Variants in GMDS observed in about 807,000 individuals in gnomAD.
The protein encoded by GMDS is GDP-mannose 4,6 dehydratase.
Under a neutral mutation model 49.9 loss-of-function variants are expected in GMDS, and 20 were observed. The observed-to-expected ratio is 0.40, with a 90% CI of 0.28 to 0.58. GMDS has a LOEUF of 0.58. Among genes scored for constraint, GMDS ranks in the 20% least tolerant of loss-of-function variants. GMDS has a pLI of 0.42. For missense variants in GMDS, 362 were observed against 481.4 expected (o/e 0.75, Z 2.32); for synonymous variants, 177 against 178.6 (o/e 0.99, Z 0.07).
chr6:1,821,712 A>G (rs878888162), intron 7 of GMDS, among the ~76,000 whole-genome samples: 1 of 150,558 alleles, frequency 6.6e-6, no homozygotes, highest in Admixed American at 6.7e-5. Flanking sequence ...TGGTCAAAAC[A>G]TAACTGTGAC....
At chr6:1,982,666 C>T (rs1034133729) in intron 4 of GMDS, among the ~76,000 whole-genome samples, 2 of 152,094 alleles carry the variant, frequency 1.3e-5, no homozygotes, top group Admixed American at 1.3e-4. Context: ...ATACAGCTAA[C>T]AAGGGAAGTA....
intron 8 of GMDS, among the ~76,000 whole-genome samples, chr6:1,737,580 AATACACACAC>A (rs1561768692): frequency 1.4e-5 from 2 of 146,448 alleles, no homozygotes; most frequent in Admixed American, 6.8e-5. Context: ...CACACACAAA[AATACACACAC>A]ATACACACAC....
intron 1 of GMDS, among the ~76,000 whole-genome samples, chr6:2,171,130 G>C (rs942784723): frequency 6.6e-6 from 1 of 152,188 alleles, no homozygotes; most frequent in African/African-American, 2.4e-5. Context: ...AGGAACTCAT[G>C]AACTTGAATT....
At chr6:1,686,008 G>A (rs1209663689) in intron 9 of GMDS, among the ~76,000 whole-genome samples, 1 of 152,122 alleles carries the variant, frequency 6.6e-6, no homozygotes, top group African/African-American at 2.4e-5. Flanking sequence ...CACAGGCCGT[G>A]GAGTCATTTT....
intron 9 of GMDS, among the ~76,000 whole-genome samples, chr6:1,638,751 C>T (rs1406807962): frequency 6.6e-6 from 1 of 152,094 alleles, no homozygotes; most frequent in South Asian, 2.1e-4. Context: ...TTAGAAAGAA[C>T]TCTCTGGGTC....
At chr6:1,678,044 T>G (rs535959471) in intron 9 of GMDS, among the ~76,000 whole-genome samples, 7 of 152,334 alleles carry the variant, frequency 4.6e-5, no homozygotes, top group Non-Finnish European at 7.4e-5. Flanking sequence ...CTTTTTATAT[T>G]TGTAATTTCC....
At chr6:1,784,617 T>C (rs1769249776) in intron 7 of GMDS, among the ~76,000 whole-genome samples, 1 of 152,048 alleles carries the variant, frequency 6.6e-6, no homozygotes, top group African/African-American at 2.4e-5. Flanking sequence ...AGATGGATGG[T>C]AGAGAAACTT....
intron 6 of GMDS, among the ~76,000 whole-genome samples, chr6:1,953,941 T>C (rs555122395): frequency 6.6e-6 from 1 of 152,242 alleles, no homozygotes; most frequent in East Asian, 1.9e-4. Context: ...GGCAAGAAAA[T>C]TTTTGTACAT....
At chr6:1,970,112 C>T (rs1471032531) in intron 4 of GMDS, among the ~76,000 whole-genome samples, 2 of 152,042 alleles carry the variant, frequency 1.3e-5, no homozygotes, top group Non-Finnish European at 2.9e-5. Flanking sequence ...AATGTGGTGT[C>T]GGAAAAAGAG....
At chr6:2,042,493 C>G (rs1309804030) in intron 4 of GMDS, among the ~76,000 whole-genome samples, 3 of 152,156 alleles carry the variant, frequency 2.0e-5, no homozygotes, top group Non-Finnish European at 4.4e-5. Flanking sequence ...GGCTATACAC[C>G]TCTCTCCAAA....
intron 1 of GMDS, among the ~76,000 whole-genome samples, chr6:2,234,858 G>C (rs1281877073): frequency 6.6e-6 from 1 of 152,150 alleles, no homozygotes; most frequent in African/African-American, 2.4e-5. Context: ...TTAAAAACAA[G>C]TGAGGACCTG....
At chr6:1,889,363 T>A (rs1759767446) in intron 7 of GMDS, among the ~76,000 whole-genome samples, 2 of 152,130 alleles carry the variant, frequency 1.3e-5, no homozygotes, top group African/African-American at 4.8e-5. Context: ...CCTGGTTTCT[T>A]CCTTATCTCT....
At chr6:2,152,286 T>C (rs1306969060) in intron 1 of GMDS, among the ~76,000 whole-genome samples, 2 of 152,162 alleles carry the variant, frequency 1.3e-5, no homozygotes, top group Non-Finnish European at 2.9e-5. Context: ...TTTAATAGTA[T>C]TTAAAAAACG....
chr6:2,009,897 G>A (rs907315373), intron 4 of GMDS, among the ~76,000 whole-genome samples: 3 of 152,096 alleles, frequency 2.0e-5, no homozygotes, highest in African/African-American at 7.2e-5. Flanking sequence ...TGGAAAAAGT[G>A]GTCTAACATG....
intron 6 of GMDS, among the ~76,000 whole-genome samples, chr6:1,955,323 T>C (rs977376601): frequency 3.3e-5 from 5 of 152,196 alleles, no homozygotes; most frequent in African/African-American, 7.2e-5. Flanking sequence ...CAGGTTATGA[T>C]TGCCTACTTT....
chr6:2,129,487 T>C (rs1403188229), intron 1 of GMDS, among the ~76,000 whole-genome samples: 1 of 152,190 alleles, frequency 6.6e-6, no homozygotes, highest in Non-Finnish European at 1.5e-5. Flanking sequence ...TGTGGCGGCT[T>C]CTTTGAACAG....
intron 7 of GMDS, among the ~76,000 whole-genome samples, chr6:1,809,476 C>A (rs543738891): frequency 6.6e-6 from 1 of 152,308 alleles, no homozygotes; most frequent in East Asian, 1.9e-4. Flanking sequence ...AATGACCACT[C>A]TCTGGTCATA....
intron 4 of GMDS, among the ~76,000 whole-genome samples, chr6:2,110,869 G>T (rs535839345): frequency 6.6e-6 from 1 of 152,294 alleles, no homozygotes; most frequent in African/African-American, 2.4e-5. Context: ...CTCATGGTTT[G>T]TAACGCTGAG....
At chr6:1,730,463 C>A (rs1435979329) in intron 8 of GMDS, among the ~76,000 whole-genome samples, 1 of 152,182 alleles carries the variant, frequency 6.6e-6, no homozygotes, top group African/African-American at 2.4e-5. Context: ...GGAAGTGAGA[C>A]CTGATTGCAA....
Sources: allele counts gnomAD v4.1 joint callset (sites outside exome capture counted in the v4.1 genomes callset), GRCh38; gene constraint gnomAD v4.1.1; transcripts MANE v1.5; gene names NCBI Gene and HGNC (gene_info 2026-07-23, HGNC 2026-07-21).